GGPS1: variants seen among roughly 807,000 people sequenced by gnomAD.
GGPS1 encodes the protein geranylgeranyl pyrophosphate synthase.
Under a neutral mutation model 28.1 loss-of-function variants are expected in GGPS1, and 15 were observed. That is an observed-to-expected ratio of 0.53 (90% confidence interval 0.36 to 0.82). The LOEUF (loss-of-function observed/expected upper bound fraction) is 0.82. GGPS1 is among the 40% of genes least tolerant of loss of function. GGPS1 has a pLI of 0.01. For missense variants in GGPS1, 284 were observed against 348.3 expected, an observed-to-expected ratio of 0.82 and a Z score of 1.47; for synonymous variants, 138 against 122.4, an observed-to-expected ratio of 1.13 and a Z score of -0.84.
intron 3 of GGPS1, 27 bp from the exon 4 acceptor site, chr1:235,341,984 A>T: frequency 7.3e-7 from 1 of 1,373,478 alleles, no homozygotes; most frequent in Non-Finnish European, 1.0e-6. Flanking sequence ...TAGTTCAAAT[A>T]AGTGAAATTT....
In GGPS1 at chr1:235,343,603, G is replaced by C. The variant is rs2789367; in HGVS notation, c.*831G>C. On this transcript the variant is annotated 3_prime_UTR_variant, in exon 4 of 4. Coordinates refer to ENST00000282841, the MANE Select transcript of GGPS1 (RefSeq NM_004837.4). ...GTGAGCACTCCGGTCCTTTTTCTTA[G>C]GTTTTCCTTTTTTCCTTCCTCTCCA... is the stretch of plus-strand genomic sequence containing the variant. 76,525 of 166,476 alleles carry C rather than the reference G, an allele frequency of 0.46. 17,913 individuals are homozygous for C. Among genetic ancestry groups the C allele is most frequent in the South Asian group, 0.59 (2,858 of 4,812 alleles). 10.3% of individuals were successfully genotyped at this position (166,476 alleles called of 1,614,324 possible). A position where few individuals can be genotyped will look rare whatever the true frequency, so the allele number is the denominator to read the frequency against.
At chr1:235,330,772 G>A (rs557208462) in intron 1 of GGPS1, among the ~76,000 whole-genome samples, 1 of 152,248 alleles carries the variant, frequency 6.6e-6, no homozygotes, top group East Asian at 1.9e-4. Context: ...GACACAAAAG[G>A]GAATTCTGAA....
intron 2 of GGPS1, chr1:235,337,221 C>CT (rs764826967): frequency 6.6e-6 from 1 of 152,352 alleles, no homozygotes; most frequent in Non-Finnish European, 1.5e-5. Context: ...TGACAAAAGT[C>CT]TAACAAGCAT....
rs189645481 is a variant in GGPS1 at position 235,335,262 on chromosome 1, C to G, written c.-3C>G. On this transcript the variant is annotated 5_prime_UTR_variant, in exon 2 of 4. It adds an upstream start codon to the 5' untranslated region. Coordinates refer to ENST00000282841, the MANE Select transcript of GGPS1 (RefSeq NM_004837.4). ...GACAGATTAGCTTTGAAGTTTAAAT[C>G]CAATGGAGAAGACTCAAGAAACAGT... 6.1e-6 allele frequency: 9 copies of G among 1,467,102 alleles called. No homozygotes were observed. In the African/African-American group the frequency reaches 9.7e-5, roughly 16 times the overall value. 90.9% of individuals were successfully genotyped at this position (1,467,102 alleles called of 1,614,324 possible).
At chr1:235,340,368 G>A (rs1299000685) in intron 2 of GGPS1, among the ~76,000 whole-genome samples, 3 of 151,916 alleles carry the variant, frequency 2.0e-5, no homozygotes, top group Admixed American at 1.3e-4. Flanking sequence ...TACTCGGGAG[G>A]CTGAGGTGGA....
intron 3 of GGPS1, 115 bp downstream of exon 3, chr1:235,341,893 G>C: frequency 1.2e-6 from 1 of 867,612 alleles, no homozygotes; most frequent in Non-Finnish European, 1.8e-6. Flanking sequence ...TTATATTGAG[G>C]TTGCTAAATA....
intron 2 of GGPS1, among the ~76,000 whole-genome samples, chr1:235,336,402 G>A (rs2103344310): frequency 6.6e-6 from 1 of 152,062 alleles, no homozygotes; most frequent in South Asian, 2.1e-4. Flanking sequence ...AAAAAAAGAA[G>A]AACTTGTCTG....
rs1180095370 is a variant in GGPS1, at chr1:235,343,742, T to C, written c.*970T>C. 2.4e-5 allele frequency: 4 copies of C among 166,906 alleles called. No individual in the cohort carries two copies. Among genetic ancestry groups the C allele is most frequent in the Admixed American group, 6.6e-5 (1 of 15,240 alleles). The allele number at this position is 166,906 out of a possible 1,614,324, so 10.3% of individuals were successfully genotyped here. A position where few individuals can be genotyped will look rare whatever the true frequency, so the allele number is the denominator to read the frequency against. On this transcript the variant is annotated 3_prime_UTR_variant, in exon 4 of 4. Transcript: ENST00000282841. ...TATGTGCCCCAAACTGGTTAGTATA[T>C]GGGTACAGCATTCCCTTTCCAATTG...
intron 1 of GGPS1, among the ~76,000 whole-genome samples, chr1:235,332,680 A>G (rs757076989): frequency 3.3e-5 from 5 of 152,208 alleles, no homozygotes; most frequent in Non-Finnish European, 7.3e-5. Flanking sequence ...AATTTATAAT[A>G]TAAATCCACA....
At chr1:235,340,446 A>G (rs1676000824) in intron 2 of GGPS1, among the ~76,000 whole-genome samples, 1 of 151,558 alleles carries the variant, frequency 6.6e-6, no homozygotes, top group South Asian at 2.1e-4. Context: ...CCTGTCTCAA[A>G]AAAAAAAGCA....
At chr1:235,329,933 A>G (rs1675648556) in intron 1 of GGPS1, 1 of 152,230 alleles carries the variant, frequency 6.6e-6, no homozygotes, top group Admixed American at 6.5e-5. Context: ...CTTTGAACAA[A>G]TTTCTGGCAG....
chr1:235,335,481 T>A (rs1004583839), intron 2 of GGPS1, 147 bp downstream of exon 2: 1 of 503,826 alleles, frequency 2.0e-6, no homozygotes, highest in African/African-American at 2.0e-5. Context: ...AATAGAACAT[T>A]ATAATTTTTT....
rs138182195 is a variant in GGPS1 at position 235,342,160 on chromosome 1, C to T, written c.291C>T (p.Phe97=). 6.3e-5 allele frequency: 101 copies of T among 1,614,100 alleles called. No homozygotes were observed. The African/African-American group carries it at 1.2e-3, about 19-fold the overall frequency. Reference sequence around the variant, plus strand: ...TCAATTCTGCCAATTACGTGTATTTCCTTGGCTTGGAGAAAGTCTTAACCC... The same window carrying T: ...TCAATTCTGCCAATTACGTGTATTTTCTTGGCTTGGAGAAAGTCTTAACCC... ...SVINSANYVY[F]LGLEKVLTLD... is the part of the protein sequence containing the mutation. The change falls in exon 4 of 4, where the codon TTC becomes TTT. Residue 97 remains phenylalanine, a synonymous_variant. Transcript: ENST00000282841.
chr1:235,331,043 A>G (rs1675699943), intron 1 of GGPS1, among the ~76,000 whole-genome samples: 1 of 152,238 alleles, frequency 6.6e-6, no homozygotes, highest in South Asian at 2.1e-4. Flanking sequence ...GTCAGAGATC[A>G]AATAGTATAG....
chr1:235,331,846 C>A (rs1675726114), intron 1 of GGPS1, among the ~76,000 whole-genome samples: 1 of 152,080 alleles, frequency 6.6e-6, no homozygotes, highest in Non-Finnish European at 1.5e-5. Flanking sequence ...TCTCCTGTTG[C>A]CATATTATAC....
In GGPS1 at chr1:235,343,775, G is replaced by A. The variant is rs147721869; in HGVS notation, c.*1003G>A. On this transcript the variant is annotated 3_prime_UTR_variant, in exon 4 of 4. Coordinates refer to ENST00000282841, the MANE Select transcript of GGPS1 (RefSeq NM_004837.4). The stretch of plus-strand genomic sequence containing the variant: ...GCATTCCCTTTCCAATTGGGAAGCG[G>A]AAAAAGAGAGTATGGGATATTTTAG... 435 of 166,952 alleles carry A rather than the reference G, an allele frequency of 2.6e-3. No individual in the cohort carries two copies. Among genetic ancestry groups the A allele is most frequent in the African/African-American group, 8.7e-3 (363 of 41,504 alleles). The allele number at this position is 166,952 out of a possible 1,614,324, so 10.3% of individuals were successfully genotyped here. A position where few individuals can be genotyped will look rare whatever the true frequency, so the allele number is the denominator to read the frequency against.
At chr1:235,340,058 G>A (rs531847081) in intron 2 of GGPS1, among the ~76,000 whole-genome samples, 47 of 152,098 alleles carry the variant, frequency 3.1e-4, no homozygotes, top group Non-Finnish European at 5.6e-4. Context: ...CTTGATCTTG[G>A]GAGGCGGAGG....
rs1676060840 is a variant in GGPS1 at position 235,342,018 on chromosome 1, T to C, written c.149T>C (p.Ile50Thr). Residue 50 changes from isoleucine to threonine, a missense_variant, in exon 4 of 4, where the codon ATT becomes ACT. Transcript: ENST00000282841. Reference protein sequence around the residue: ...KVPEDKLQIIIEVTEMLHNAS... With the variant: ...KVPEDKLQIITEVTEMLHNAS... ...TTTCAATTTTTTTATTAGATTATTA[T>C]TGAAGTGACAGAAATGTTGCATAAT... 3 of 1,561,264 alleles carry C rather than the reference T, an allele frequency of 1.9e-6. No individual in the cohort carries two copies. In the African/African-American group the frequency reaches 4.1e-5, roughly 21 times the overall value.
Position 235,342,334 on chromosome 1 carries a change from G to T in GGPS1, c.465G>T (p.Leu155=). 1 of 1,613,942 alleles carries T rather than the reference G, an allele frequency of 6.2e-7. No individual in the cohort carries two copies. The highest frequency in any genetic ancestry group is 8.5e-7 in the Non-Finnish European group (1 of 1,179,764). The change falls in exon 4 of 4, where the codon CTG becomes CTT. Residue 155 remains leucine, a synonymous_variant. Transcript: ENST00000282841. ...KAMVLQKTGG[L]FGLAVGLMQL... ...TGGTGCTGCAGAAAACAGGTGGACT[G>T]TTTGGATTAGCAGTAGGTCTCATGC... is the stretch of plus-strand genomic sequence containing the variant.
Sources: gnomAD v4.1 joint callset for allele counts (sites outside exome capture counted in the v4.1 genomes callset) on GRCh38, gnomAD v4.1.1 for gene constraint, MANE v1.5 for transcripts, NCBI Gene and HGNC (gene_info 2026-07-23, HGNC 2026-07-21) for gene names.